The following FAR2 variants were observed in gnomAD, a reference collection of about 807,000 sequenced individuals.
The protein encoded by FAR2 is fatty acyl-CoA reductase 2, also known as epididymis secretory protein Li 81.
Under a neutral mutation model 56.0 loss-of-function variants are expected in FAR2, and 19 were observed. The observed-to-expected ratio is 0.34, with a 90% CI of 0.24 to 0.50. The LOEUF is 0.50. Among genes scored for constraint, FAR2 ranks in the 20% least tolerant of loss-of-function variants. FAR2 has a pLI of 0.98. For missense variants in FAR2, 508 were observed against 642.2 expected, an observed-to-expected ratio of 0.79 and a Z score of 2.26; for synonymous variants, 219 against 218.8, an observed-to-expected ratio of 1.00 and a Z score of -0.01.
intron 1 of FAR2, among the ~76,000 whole-genome samples, chr12:29,263,890 C>G (rs1470460767): frequency 2.6e-5 from 4 of 151,858 alleles, no homozygotes; most frequent in Non-Finnish European, 5.9e-5. Context: ...TAAAGAAGAA[C>G]AAATACTAAT....
chr12:29,161,380 T>G lies in FAR2; in HGVS notation c.-39+11973T>G, dbSNP rs114099706. 5.1e-3 allele frequency among the ~76,000 whole-genome samples: 776 copies of G among 152,356 alleles called. 13 individuals carry two copies. The highest frequency in any genetic ancestry group is 0.018 in the African/African-American group (728 of 41,580). ...GATTAGCTTTACCAGTTTTTGGAGTTTGTATAAATGAAATTATATAGTAAT... is the reference window on the plus strand; with the variant it reads ...GATTAGCTTTACCAGTTTTTGGAGTGTGTATAAATGAAATTATATAGTAAT... On this transcript the variant is annotated intron_variant, in intron 1 of 11. Coordinates refer to ENST00000536681, the MANE Select transcript of FAR2 (RefSeq NM_001271783.2).
At chr12:29,273,740 T>A (rs74078380) in intron 2 of FAR2, among the ~76,000 whole-genome samples, 3,459 of 152,356 alleles carry the variant, frequency 0.023, 121 homozygotes, top group African/African-American at 0.078. Context: ...TGTAAGAATC[T>A]GCACTTTCTC....
chr12:29,157,532 C>T lies in FAR2; in HGVS notation c.-39+8125C>T, dbSNP rs73071996. ...AAAATATGGCTTCTCCAACCACTTA[C>T]TCATCCTTCCATCTTAGCTGGGAAG... is the stretch of plus-strand genomic sequence containing the variant. On this transcript the variant is annotated intron_variant, in intron 1 of 11. Transcript: ENST00000536681. 5.5e-3 allele frequency among the ~76,000 whole-genome samples: 841 copies of T among 152,274 alleles called. 8 individuals carry two copies. The highest frequency in any genetic ancestry group is 0.017 in the Middle Eastern group (5 of 294).
chr12:29,178,208 A>G (rs1949957221), intron 1 of FAR2, among the ~76,000 whole-genome samples: 1 of 152,198 alleles, frequency 6.6e-6, no homozygotes, highest in African/African-American at 2.4e-5. Context: ...AAATTGGAGT[A>G]AAATTCATTC....
At chr12:29,162,258 G>A (rs1264887307) in intron 1 of FAR2, among the ~76,000 whole-genome samples, 1 of 152,074 alleles carries the variant, frequency 6.6e-6, no homozygotes, top group Admixed American at 6.6e-5. Context: ...TTAATTTTTT[G>A]TGTGATGTGA....
At chr12:29,285,660 C>T (rs1269174613) in intron 2 of FAR2, among the ~76,000 whole-genome samples, 7 of 152,118 alleles carry the variant, frequency 4.6e-5, no homozygotes, top group African/African-American at 1.7e-4. Flanking sequence ...GTGGCTCATG[C>T]CTGTAATCCC....
At chr12:29,313,757 T>C (rs1352384727) in intron 8 of FAR2, among the ~76,000 whole-genome samples, 2 of 152,302 alleles carry the variant, frequency 1.3e-5, no homozygotes, top group Non-Finnish European at 2.9e-5. Context: ...GTTTCTCTTT[T>C]AATTCATAAT....
chr12:29,327,961 A>G, intron 10 of FAR2, among the ~76,000 whole-genome samples: 1 of 152,168 alleles, frequency 6.6e-6, no homozygotes, highest in African/African-American at 2.4e-5. Context: ...ATCAGAGTAA[A>G]CAGGCAACCT....
chr12:29,172,323 A>T (rs1949895796), intron 1 of FAR2, among the ~76,000 whole-genome samples: 1 of 152,222 alleles, frequency 6.6e-6, no homozygotes, highest in African/African-American at 2.4e-5. Context: ...CTTGTGTGTG[A>T]TCTTTTCTGT....
In FAR2 at chr12:29,307,796, G is replaced by A; in HGVS notation, c.684G>A (p.Arg228=). The change falls in exon 5 of 12, where the codon AGG becomes AGA. Residue 228 remains arginine, a synonymous_variant. Transcript: ENST00000536681. ...GGAACCTGAACATTGCCATCATAAG[G>A]CCCTCCATTGTGGGAGCAACTTGGC... The part of the protein sequence containing the change: ...ESRNLNIAII[R]PSIVGATWQE... 6.2e-7 allele frequency: 1 copy of A among 1,612,276 alleles called. No individual in the cohort carries two copies. The highest frequency in any genetic ancestry group is 8.5e-7 in the Non-Finnish European group (1 of 1,179,760).
intron 8 of FAR2, among the ~76,000 whole-genome samples, chr12:29,314,199 T>C (rs1029007264): frequency 1.3e-5 from 2 of 152,214 alleles, no homozygotes; most frequent in African/African-American, 4.8e-5. Context: ...AGTAGCTTAA[T>C]GGTTAAAAGT....
At chr12:29,329,561 G>C (rs1399425875) in intron 10 of FAR2, among the ~76,000 whole-genome samples, 1 of 152,102 alleles carries the variant, frequency 6.6e-6, no homozygotes, top group African/African-American at 2.4e-5. Flanking sequence ...ATCAAACTTA[G>C]AAATGTTAAA....
At chr12:29,262,688 C>T (rs962603771) in intron 1 of FAR2, among the ~76,000 whole-genome samples, 1 of 151,864 alleles carries the variant, frequency 6.6e-6, no homozygotes, top group Non-Finnish European at 1.5e-5. Flanking sequence ...ATCATACAAC[C>T]AGAGAAAACC....
intron 10 of FAR2, among the ~76,000 whole-genome samples, chr12:29,326,330 G>A (rs998074602): frequency 1.3e-5 from 2 of 152,170 alleles, no homozygotes; most frequent in African/African-American, 4.8e-5. Context: ...GTTACGAGGA[G>A]GACCTGGTAC....
intron 3 of FAR2, among the ~76,000 whole-genome samples, chr12:29,293,978 G>T (rs1422615341): frequency 1.3e-5 from 2 of 152,096 alleles, no homozygotes; most frequent in Non-Finnish European, 2.9e-5. Flanking sequence ...ATTCCTAGAA[G>T]TACAATTATC....
At chr12:29,221,071 G>A (rs1379727532) in intron 1 of FAR2, among the ~76,000 whole-genome samples, 1 of 151,930 alleles carries the variant, frequency 6.6e-6, no homozygotes, top group Non-Finnish European at 1.5e-5. Context: ...TGAAGTGAGC[G>A]TGCGTACAAC....
At chr12:29,154,203 G>A (rs35779561) in intron 1 of FAR2, among the ~76,000 whole-genome samples, 2,347 of 152,188 alleles carry the variant, frequency 0.015, 43 homozygotes, top group African/African-American at 0.048. Flanking sequence ...GATCCTCTCC[G>A]AAATAATTAT....
chr12:29,184,677 T>C (rs1285044368), intron 1 of FAR2, among the ~76,000 whole-genome samples: 2 of 152,040 alleles, frequency 1.3e-5, no homozygotes, highest in African/African-American at 4.8e-5. Flanking sequence ...CATCAAGCGA[T>C]CCACCCACCT....
chr12:29,326,324 C>T (rs553193648), intron 10 of FAR2, among the ~76,000 whole-genome samples: 27 of 152,232 alleles, frequency 1.8e-4, no homozygotes, highest in African/African-American at 5.3e-4. Context: ...ACCAGAGTTA[C>T]GAGGAGGACC....
Sources: gnomAD v4.1 joint callset for allele counts (sites outside exome capture counted in the v4.1 genomes callset) on GRCh38, gnomAD v4.1.1 for gene constraint, MANE v1.5 for transcripts, NCBI Gene and HGNC (gene_info 2026-07-23, HGNC 2026-07-21) for gene names.